The following C1orf21 variants were observed in gnomAD, a reference collection of about 807,000 sequenced individuals.
C1orf21 encodes the protein chromosome 1 open reading frame 21.
A neutral mutation model predicts 18.7 loss-of-function variants in C1orf21; 3 were observed. The observed-to-expected ratio is 0.16, with a 90% confidence interval of 0.07 to 0.42. C1orf21 has a LOEUF of 0.42. Ranked by LOEUF, C1orf21 falls within the 10% of genes least tolerant of loss-of-function variation. C1orf21 has a pLI of 0.99. For synonymous variants in C1orf21, 41 were observed against 46.4 expected, an observed-to-expected ratio of 0.88 and a Z score of 0.47; for missense variants, 104 against 143.6, an observed-to-expected ratio of 0.72 and a Z score of 1.41.
chr1:184,537,428 GT>G (rs1176185252), intron 3 of C1orf21, among the ~76,000 whole-genome samples: 3 of 152,116 alleles, frequency 2.0e-5, no homozygotes, highest in Admixed American at 6.5e-5. Flanking sequence ...TTAGCATAAT[GT>G]TCTGAAGGTC....
intron 3 of C1orf21, among the ~76,000 whole-genome samples, chr1:184,574,863 G>T (rs960832524): frequency 3.3e-5 from 5 of 152,208 alleles, no homozygotes; most frequent in Non-Finnish European, 5.9e-5. Flanking sequence ...GTCCCTGTCG[G>T]GCTGCGGAGG....
chr1:184,446,741 A>G (rs1305591071), intron 1 of C1orf21, among the ~76,000 whole-genome samples: 1 of 151,838 alleles, frequency 6.6e-6, no homozygotes, highest in African/African-American at 2.4e-5. Context: ...ATGAAAAAAT[A>G]TGAGGCCACT....
intron 1 of C1orf21, among the ~76,000 whole-genome samples, chr1:184,424,120 A>AT (rs1462676873): frequency 6.6e-6 from 1 of 150,662 alleles, no homozygotes. Flanking sequence ...TACTTTTCTA[A>AT]TTTTTTCTTG....
At chr1:184,595,501 G>A (rs1659499915) in intron 4 of C1orf21, among the ~76,000 whole-genome samples, 1 of 152,080 alleles carries the variant, frequency 6.6e-6, no homozygotes, top group South Asian at 2.1e-4. Context: ...TGGGAAGAGG[G>A]GACCCATGTT....
At chr1:184,499,631 A>G (rs1657943794) in intron 2 of C1orf21, among the ~76,000 whole-genome samples, 1 of 152,002 alleles carries the variant, frequency 6.6e-6, no homozygotes, top group East Asian at 1.9e-4. Context: ...TTATTCCTAC[A>G]TCATCTCCTG....
intron 3 of C1orf21, among the ~76,000 whole-genome samples, chr1:184,569,944 AAGT>A (rs1659086622): frequency 6.6e-6 from 1 of 152,194 alleles, no homozygotes; most frequent in Admixed American, 6.5e-5. Flanking sequence ...AGTCTTCAAA[AAGT>A]AGCATGGACA....
At chr1:184,412,351 G>C (rs1476350654) in intron 1 of C1orf21, 1 of 152,244 alleles carries the variant, frequency 6.6e-6, no homozygotes, top group Admixed American at 6.5e-5. Context: ...GTCCTCCCAG[G>C]TGATGGACAT....
chr1:184,526,654 T>C (rs554020133), intron 3 of C1orf21, among the ~76,000 whole-genome samples: 4 of 152,324 alleles, frequency 2.6e-5, no homozygotes, highest in Admixed American at 2.6e-4. Context: ...CTACTCTGTT[T>C]TCTGGATTAA....
chr1:184,426,099 G>A lies in C1orf21; in HGVS notation c.-125+38731G>A, dbSNP rs116704211. Among the ~76,000 whole-genome samples the A allele has an allele frequency of 6.4e-3, 980 of 152,338 alleles. 9 individuals carry two copies. Among genetic ancestry groups the A allele is most frequent in the African/African-American group, 0.023 (943 of 41,570 alleles). The stretch of plus-strand genomic sequence containing the variant: ...TGTTGGAAAGGGCAGGGCCAAGGGC[G>A]GAGCCCTGGAGAAATGTGGCCCTGT... On this transcript the variant is annotated intron_variant, in intron 1 of 5. Coordinates refer to ENST00000235307, the MANE Select transcript of C1orf21 (RefSeq NM_030806.4).
chr1:184,575,990 G>A (rs1295994433), intron 3 of C1orf21, among the ~76,000 whole-genome samples: 1 of 152,170 alleles, frequency 6.6e-6, no homozygotes, highest in Admixed American at 6.5e-5. Context: ...AAGCAAAAAT[G>A]GGAGACGGGG....
chr1:184,456,083 C>T (rs1657193752), intron 1 of C1orf21, among the ~76,000 whole-genome samples: 2 of 152,172 alleles, frequency 1.3e-5, no homozygotes, highest in Admixed American at 1.3e-4. Flanking sequence ...TTAAAGCAGC[C>T]TTCCTTGGGA....
chr1:184,559,513 T>TCCTTCCCC (rs1658925850), intron 3 of C1orf21, among the ~76,000 whole-genome samples: 1 of 82,136 alleles, frequency 1.2e-5, no homozygotes, highest in South Asian at 5.0e-4. Context: ...CCCCCTTCCT[T>TCCTTCCCC]CCTTCCTTCC....
intron 1 of C1orf21, among the ~76,000 whole-genome samples, chr1:184,457,953 G>A (rs1444286289): frequency 1.3e-5 from 2 of 152,152 alleles, no homozygotes; most frequent in East Asian, 3.9e-4. Context: ...CAGTTGCTTT[G>A]TAGATATTGT....
rs1356681380 is a variant in C1orf21 at position 184,426,871 on chromosome 1, A to G, written c.-125+39503A>G. Among the ~76,000 whole-genome samples, 3 of 152,192 alleles carry G rather than the reference A, an allele frequency of 2.0e-5. No homozygotes were observed. In the East Asian group the frequency reaches 5.8e-4, roughly 29 times the overall value. ...CATCTGATGATGGCTGGATAAACAT[A>G]AAGTCTGAATTCATTTCTTCAACCT... On this transcript the variant is annotated intron_variant, in intron 1 of 5. Coordinates refer to ENST00000235307, the MANE Select transcript of C1orf21 (RefSeq NM_030806.4).
intron 1 of C1orf21, among the ~76,000 whole-genome samples, chr1:184,469,121 G>C (rs768155768): frequency 6.6e-5 from 10 of 150,442 alleles, no homozygotes; most frequent in Admixed American, 3.3e-4. Flanking sequence ...ATGGTGGCAC[G>C]TGCCTGTAGT....
rs140905601 is a variant in C1orf21, at chr1:184,448,985, C to T, written c.-124-28401C>T. ...TGTATTTTTAAATGAATTAAGGTGA[C>T]GAAACTTAATTTTTAATTTATTTTT... On this transcript the variant is annotated intron_variant, in intron 1 of 5. Coordinates refer to ENST00000235307, the MANE Select transcript of C1orf21 (RefSeq NM_030806.4). Among the ~76,000 whole-genome samples, 81 of 152,122 alleles carry T rather than the reference C, an allele frequency of 5.3e-4. 1 individual carries two copies. In the East Asian group the frequency reaches 0.012, roughly 22 times the overall value.
chr1:184,428,696 T>C (rs914986046), intron 1 of C1orf21, among the ~76,000 whole-genome samples: 1 of 152,214 alleles, frequency 6.6e-6, no homozygotes, highest in Non-Finnish European at 1.5e-5. Context: ...GAGCTAATTA[T>C]GTTTTCCTTG....
At chr1:184,443,044 G>A (rs549546466) in intron 1 of C1orf21, among the ~76,000 whole-genome samples, 1 of 152,300 alleles carries the variant, frequency 6.6e-6, no homozygotes, top group South Asian at 2.1e-4. Flanking sequence ...CAATAGTAAT[G>A]TGCTGAGTTT....
At chr1:184,513,217 T>G (rs536330451) in intron 3 of C1orf21, among the ~76,000 whole-genome samples, 1 of 152,200 alleles carries the variant, frequency 6.6e-6, no homozygotes, top group Non-Finnish European at 1.5e-5. Flanking sequence ...GTTTACAACC[T>G]AAGCAAAGGG....
Sources: allele counts gnomAD v4.1 joint callset (sites outside exome capture counted in the v4.1 genomes callset), GRCh38; gene constraint gnomAD v4.1.1; transcripts MANE v1.5; gene names NCBI Gene and HGNC (gene_info 2026-07-23, HGNC 2026-07-21).